PDZD2: variants seen among roughly 807,000 people sequenced by gnomAD.
The protein encoded by PDZD2 is PDZ domain containing 2.
PDZD2 carries 90 observed loss-of-function variants against 220.7 expected under a neutral mutation model. The ratio of observed to expected loss-of-function variants is 0.41; its 90% CI spans 0.34 to 0.49. The LOEUF (loss-of-function observed/expected upper bound fraction) is 0.49. Among genes scored for constraint, PDZD2 ranks in the 20% least tolerant of loss-of-function variants. The pLI, the probability that PDZD2 is intolerant of heterozygous loss-of-function variation, is 0.28. For missense variants in PDZD2, 3,174 were observed against 3,608.5 expected, an observed-to-expected ratio of 0.88 and a Z score of 3.08; for synonymous variants, 1,375 against 1,450.5, an observed-to-expected ratio of 0.95 and a Z score of 1.18.
At position 32,057,926 on chromosome 5, in the gene PDZD2, A is replaced by T. The variant is rs1263322746; in HGVS notation, c.2023A>T (p.Ser675Cys). Residue 675 changes from serine (S) to cysteine (C), a missense_variant, in exon 12 of 25, where the codon AGC becomes TGC. Transcript: ENST00000438447. ...TTTAACGGTACGCACAAAGTTGGTG[A>T]GCCCCAGCCTCACACCCTGCTCGAC... ...FVLTVRTKLV[S>C]PSLTPCSTPT... 1 of 1,613,666 alleles carries T rather than the reference A, an allele frequency of 6.2e-7. No homozygotes were observed. The highest frequency in any genetic ancestry group is 1.3e-5 in the African/African-American group (1 of 74,766).
intron 19 of PDZD2, among the ~76,000 whole-genome samples, chr5:32,084,808 GA>G (rs1168260074): frequency 6.6e-6 from 1 of 152,030 alleles, no homozygotes; most frequent in Non-Finnish European, 1.5e-5. Context: ...AGGGCCTTAT[GA>G]ACAGGCACTT....
At chr5:32,022,686 C>T (rs952128536) in intron 6 of PDZD2, among the ~76,000 whole-genome samples, 2 of 152,024 alleles carry the variant, frequency 1.3e-5, no homozygotes, top group African/African-American at 4.8e-5. Flanking sequence ...TGATGACATT[C>T]TGGAACAGAA....
intron 1 of PDZD2, among the ~76,000 whole-genome samples, chr5:31,713,270 C>T (rs1011246224): frequency 1.3e-5 from 2 of 152,244 alleles, no homozygotes; most frequent in Non-Finnish European, 2.9e-5. Flanking sequence ...CTGCCTGCAG[C>T]CTGCCTGGCC....
intron 2 of PDZD2, among the ~76,000 whole-genome samples, chr5:31,949,489 T>C (rs1746978057): frequency 6.6e-6 from 1 of 152,116 alleles, no homozygotes; most frequent in Non-Finnish European, 1.5e-5. Context: ...TCATTGGTAC[T>C]AGTTCTGTTA....
rs980273783 is a variant in PDZD2, at chr5:31,646,608, G to A, written c.-361+7171G>A. ...TTCAGTTGAACACCCCCCACCACCC[G>A]CCCAACACCCTCTTTCTGGCACAGT... On this transcript the variant is annotated intron_variant, in intron 1 of 24. Coordinates refer to ENST00000438447, the MANE Select transcript of PDZD2 (RefSeq NM_178140.4). The surrounding 1 kb of genome is among the most constrained non-coding windows in gnomAD (Gnocchi z 4.7). Among the ~76,000 whole-genome samples, 14 of 151,944 alleles carry A rather than the reference G, an allele frequency of 9.2e-5. No homozygotes were observed. Among genetic ancestry groups the A allele is most frequent in the Non-Finnish European group, 1.5e-4 (10 of 67,998 alleles).
chr5:32,067,466 G>A (rs1205778157), intron 14 of PDZD2, among the ~76,000 whole-genome samples: 1 of 152,112 alleles, frequency 6.6e-6, no homozygotes, highest in Non-Finnish European at 1.5e-5. Flanking sequence ...ATATGCCTGA[G>A]TGCATGTATG....
chr5:31,799,842 T>C lies in PDZD2; in HGVS notation c.476+118T>C, dbSNP rs920410118. The C allele has an allele frequency of 5.7e-6, 4 of 700,806 alleles. No individual in the cohort carries two copies. In the African/African-American group the frequency reaches 7.1e-5, roughly 12 times the overall value. 43.4% of individuals were successfully genotyped at this position (700,806 alleles called of 1,614,324 possible). ...AATAAGAAGCTGATGGCATAAGAAATGTCTCATTTAAACCCCCTCATCCAT... is the reference window on the plus strand; with the variant it reads ...AATAAGAAGCTGATGGCATAAGAAACGTCTCATTTAAACCCCCTCATCCAT... On this transcript the variant is annotated intron_variant, in intron 2 of 24. Transcript: ENST00000438447.
intron 1 of PDZD2, among the ~76,000 whole-genome samples, chr5:31,708,229 TATATGACTCACCCACAA>T (rs1385321259): frequency 2.0e-5 from 3 of 152,278 alleles, no homozygotes; most frequent in South Asian, 4.1e-4. Flanking sequence ...TCTGAGCACA[TATATGACTCACCCACAA>T]TTATAAATTA....
intron 7 of PDZD2, among the ~76,000 whole-genome samples, chr5:32,045,241 A>C (rs898062464): frequency 6.6e-6 from 1 of 152,216 alleles, no homozygotes; most frequent in Admixed American, 6.5e-5. Context: ...CTTTCCACTA[A>C]GGTTTTGCCC....
intron 1 of PDZD2, among the ~76,000 whole-genome samples, chr5:31,747,180 A>C (rs1362153637): frequency 2.0e-5 from 3 of 152,070 alleles, no homozygotes; most frequent in Non-Finnish European, 2.9e-5. Context: ...ATCTCAAAAT[A>C]AATAATTTTT....
chr5:32,075,459 C>G (rs1741198311), intron 18 of PDZD2, among the ~76,000 whole-genome samples: 1 of 152,112 alleles, frequency 6.6e-6, no homozygotes, highest in African/African-American at 2.4e-5. Flanking sequence ...TTCCAAATTT[C>G]TACATTGGTT....
At chr5:32,036,001 T>G (rs1314568539) in intron 6 of PDZD2, among the ~76,000 whole-genome samples, 1 of 152,166 alleles carries the variant, frequency 6.6e-6, no homozygotes, top group African/African-American at 2.4e-5. Context: ...TGGAGTGCAG[T>G]AGCGTGATCT....
At chr5:31,913,336 C>G (rs1296075543) in intron 2 of PDZD2, among the ~76,000 whole-genome samples, 1 of 39,424 alleles carries the variant, frequency 2.5e-5, no homozygotes, top group African/African-American at 2.0e-4. Context: ...GTGAAACTTC[C>G]TTGGGGAAAA....
chr5:31,986,076 CAAAAAAA>C (rs55659088), intron 3 of PDZD2, among the ~76,000 whole-genome samples: 3 of 102,724 alleles, frequency 2.9e-5, no homozygotes, highest in African/African-American at 7.5e-5. Context: ...ACTCTTGTCT[CAAAAAAA>C]AAAAAAAAAA....
At chr5:31,886,226 T>C (rs1580993665) in intron 2 of PDZD2, among the ~76,000 whole-genome samples, 2 of 152,318 alleles carry the variant, frequency 1.3e-5, no homozygotes, top group East Asian at 3.9e-4. Context: ...AATAACACAC[T>C]GAAAAAACAG....
intron 1 of PDZD2, among the ~76,000 whole-genome samples, chr5:31,736,814 T>C (rs1017253775): frequency 1.3e-5 from 2 of 152,126 alleles, no homozygotes; most frequent in African/African-American, 4.8e-5. Context: ...ACTTGGGCCA[T>C]CTCCTTGGTG....
intron 1 of PDZD2, among the ~76,000 whole-genome samples, chr5:31,645,733 C>T (rs1305112651): frequency 6.6e-6 from 1 of 152,070 alleles, no homozygotes; most frequent in Admixed American, 6.6e-5. Flanking sequence ...GTTGTCCTGG[C>T]CTCAGGACAG....
At position 31,838,301 on chromosome 5, in the gene PDZD2, G is replaced by A. The variant is rs557275767; in HGVS notation, c.476+38577G>A. ...TTGAAGTCCTGACCTCAAATGATCTGCCTGCCTCAGCCTCCCAAAGTGCTG... is the reference window on the plus strand; with the variant it reads ...TTGAAGTCCTGACCTCAAATGATCTACCTGCCTCAGCCTCCCAAAGTGCTG... On this transcript the variant is annotated intron_variant, in intron 2 of 24. Coordinates refer to ENST00000438447, the MANE Select transcript of PDZD2 (RefSeq NM_178140.4). 1.4e-4 allele frequency among the ~76,000 whole-genome samples: 21 copies of A among 152,184 alleles called. No individual in the cohort carries two copies. In the South Asian group the frequency reaches 4.1e-3, roughly 30 times the overall value.
chr5:32,020,205 A>T (rs1323275221), intron 6 of PDZD2, among the ~76,000 whole-genome samples: 5 of 151,934 alleles, frequency 3.3e-5, no homozygotes, highest in African/African-American at 1.2e-4. Context: ...AGGTTTCACC[A>T]TGTTGACCAA....
Sources: gnomAD v4.1 joint callset for allele counts (sites outside exome capture counted in the v4.1 genomes callset) on GRCh38, gnomAD v4.1.1 for gene constraint, Gnocchi (gnomAD v3.1) non-coding constraint, MANE v1.5 for transcripts, NCBI Gene and HGNC (gene_info 2026-07-23, HGNC 2026-07-21) for gene names.